Variants in EBF1 observed in about 807,000 individuals in gnomAD.
The protein encoded by EBF1 is EBF transcription factor 1, also known as transcription factor COE1.
A neutral mutation model predicts 68.4 loss-of-function variants in EBF1; 10 were observed. The observed-to-expected ratio is 0.15, with a 90% CI of 0.09 to 0.25. The LOEUF (loss-of-function observed/expected upper bound fraction) is 0.25, where lower values mean the gene tolerates loss of function less well. EBF1 is among the 10% of genes least tolerant of loss of function. The pLI is 1.00. For synonymous variants in EBF1, 298 were observed against 299.8 expected (o/e 0.99, Z 0.06); for missense variants, 509 against 794.4 (o/e 0.64, Z 4.32).
intron 6 of EBF1, among the ~76,000 whole-genome samples, chr5:158,922,278 C>G (rs1206490292): frequency 6.6e-6 from 1 of 152,192 alleles, no homozygotes; most frequent in African/African-American, 2.4e-5. Flanking sequence ...CAACTTTCTA[C>G]CCAGTATCCT....
At chr5:158,878,144 C>T (rs913347924) in intron 6 of EBF1, among the ~76,000 whole-genome samples, 4 of 151,922 alleles carry the variant, frequency 2.6e-5, no homozygotes, top group Non-Finnish European at 5.9e-5. Context: ...AAAGTATTTT[C>T]CCTAGTAATA....
Position 158,981,474 on chromosome 5 carries a change from A to G in EBF1, c.554+91922T>C, listed in dbSNP as rs896971867. 2.0e-5 allele frequency among the ~76,000 whole-genome samples: 3 copies of G among 152,170 alleles called. No homozygotes were observed. The East Asian group carries it at 5.8e-4, about 29-fold the overall frequency. On this transcript the variant is annotated intron_variant, in intron 6 of 15. Coordinates refer to ENST00000313708, the MANE Select transcript of EBF1 (RefSeq NM_024007.5). ...TTACATTTTTCATAAAATTGTGAAG[A>G]GGTTCTCTCTGCTTTAGGGATAGAG...
chr5:158,812,575 A>T (rs1782886941), intron 8 of EBF1, among the ~76,000 whole-genome samples: 1 of 152,170 alleles, frequency 6.6e-6, no homozygotes, highest in Non-Finnish European at 1.5e-5. Context: ...CGGAGGTACC[A>T]GGACTTCCTG....
intron 6 of EBF1, among the ~76,000 whole-genome samples, chr5:158,840,451 A>C (rs150271729): frequency 6.6e-6 from 1 of 152,194 alleles, no homozygotes. Flanking sequence ...CATGGTCCCC[A>C]ACGACAACAT....
chr5:158,937,606 A>C (rs1812311830), intron 6 of EBF1, among the ~76,000 whole-genome samples: 1 of 152,194 alleles, frequency 6.6e-6, no homozygotes, highest in Admixed American at 6.5e-5. Flanking sequence ...CAGAAAGGAA[A>C]ACTTGGGCTG....
chr5:159,069,776 A>G (rs958064062), intron 6 of EBF1, among the ~76,000 whole-genome samples: 1 of 152,166 alleles, frequency 6.6e-6, no homozygotes, highest in Non-Finnish European at 1.5e-5. Flanking sequence ...AAATTAGCAC[A>G]GCTTATGCTA....
chr5:158,808,491 A>G (rs1782004870), intron 8 of EBF1, among the ~76,000 whole-genome samples: 1 of 152,146 alleles, frequency 6.6e-6, no homozygotes, highest in African/African-American at 2.4e-5. Context: ...GCAGCAGTTA[A>G]GAGCACCAGC....
chr5:158,976,135 G>A (rs1268617655), intron 6 of EBF1, among the ~76,000 whole-genome samples: 2 of 152,176 alleles, frequency 1.3e-5, no homozygotes, highest in Non-Finnish European at 2.9e-5. Flanking sequence ...ACATGAGTTA[G>A]GCTGACCTAG....
chr5:158,881,589 C>T lies in EBF1; in HGVS notation c.555-41479G>A, dbSNP rs115520604. Among the ~76,000 whole-genome samples, 896 of 152,314 alleles carry T rather than the reference C, an allele frequency of 5.9e-3. 15 individuals carry two copies. The highest frequency in any genetic ancestry group is 0.021 in the African/African-American group (858 of 41,566). On this transcript the variant is annotated intron_variant, in intron 6 of 15. Transcript: ENST00000313708. ...TGTGCTGCGGGCTGTCTGAAGCCTG[C>T]AGACATTCACCAGATTCTATATTCC...
At chr5:158,963,761 G>A (rs1296445861) in intron 6 of EBF1, among the ~76,000 whole-genome samples, 2 of 152,180 alleles carry the variant, frequency 1.3e-5, no homozygotes, top group Admixed American at 6.5e-5. Context: ...AATATCTAAC[G>A]AAAGAGTGTT....
At chr5:158,870,360 G>A (rs1796672304) in intron 6 of EBF1, among the ~76,000 whole-genome samples, 1 of 152,154 alleles carries the variant, frequency 6.6e-6, no homozygotes, top group Non-Finnish European at 1.5e-5. Context: ...GATGACATTA[G>A]GCATTTTCAA....
At chr5:158,957,748 C>T (rs1000085170) in intron 6 of EBF1, among the ~76,000 whole-genome samples, 2 of 152,206 alleles carry the variant, frequency 1.3e-5, no homozygotes, top group African/African-American at 4.8e-5. Context: ...CTCTGCCAAA[C>T]ATTTCATAGT....
intron 6 of EBF1, among the ~76,000 whole-genome samples, chr5:159,064,101 A>G (rs1018846034): frequency 6.6e-5 from 10 of 152,092 alleles, no homozygotes; most frequent in African/African-American, 2.4e-4. Context: ...GAACTCAAAC[A>G]TTGCTCCAGC....
chr5:158,819,068 CA>C (rs1401728123), intron 8 of EBF1, among the ~76,000 whole-genome samples: 1 of 151,768 alleles, frequency 6.6e-6, no homozygotes, highest in Non-Finnish European at 1.5e-5. Flanking sequence ...GCAAGTCCTC[CA>C]AAAGCCCAAA....
intron 6 of EBF1, among the ~76,000 whole-genome samples, chr5:158,859,231 T>C (rs79062236): frequency 0.015 from 2,308 of 152,280 alleles, 64 homozygotes; most frequent in African/African-American, 0.053. Context: ...TCATATATAA[T>C]ATGGCCCATG....
chr5:158,711,819 T>C (rs1171851583), intron 14 of EBF1, among the ~76,000 whole-genome samples: 1 of 151,982 alleles, frequency 6.6e-6, no homozygotes, highest in Admixed American at 6.6e-5. Flanking sequence ...TGGTAACTGG[T>C]AGAAGTGGGA....
At chr5:158,979,749 C>T (rs1757531203) in intron 6 of EBF1, among the ~76,000 whole-genome samples, 1 of 151,158 alleles carries the variant, frequency 6.6e-6, no homozygotes, top group Non-Finnish European at 1.5e-5. Context: ...CAAAAATTTC[C>T]AGAATTGTTG....
At position 158,698,168 on chromosome 5, in the gene EBF1, A is replaced by C. The variant is rs563491736; in HGVS notation, c.*943T>G. On this transcript the variant is annotated 3_prime_UTR_variant, in exon 16 of 16. Coordinates refer to ENST00000313708, the MANE Select transcript of EBF1 (RefSeq NM_024007.5). The stretch of plus-strand genomic sequence containing the variant: ...TAAACTTTAAACTTGCAAATGGGGG[A>C]GCGTACGTGAGGTTTTGGCTTGTTA... The C allele has an allele frequency of 1.4e-5, 3 of 220,272 alleles. No homozygotes were observed. The highest frequency in any genetic ancestry group is 6.7e-5 in the African/African-American group (3 of 44,682). The allele number at this position is 220,272 out of a possible 1,614,324, so 13.6% of individuals were successfully genotyped here. A position where few individuals can be genotyped will look rare whatever the true frequency, so the allele number is the denominator to read the frequency against.
At chr5:159,019,637 G>A (rs1032531327) in intron 6 of EBF1, among the ~76,000 whole-genome samples, 5 of 152,160 alleles carry the variant, frequency 3.3e-5, no homozygotes, top group Non-Finnish European at 7.4e-5. Context: ...AAAGTGAAAG[G>A]TTTCAAAGAT....
Sources: gnomAD v4.1 joint callset for allele counts (sites outside exome capture counted in the v4.1 genomes callset) on GRCh38, gnomAD v4.1.1 for gene constraint, MANE v1.5 for transcripts, NCBI Gene and HGNC (gene_info 2026-07-23, HGNC 2026-07-21) for gene names.